The following STUM variants were observed in gnomAD, a reference collection of about 807,000 sequenced individuals.
The protein encoded by STUM is stum, mechanosensory transduction mediator homolog, also known as protein stum homolog.
STUM carries 8 observed loss-of-function variants against 15.3 expected under a neutral mutation model. The ratio of observed to expected loss-of-function variants is 0.52; its 90% confidence interval spans 0.31 to 0.94. The LOEUF (loss-of-function observed/expected upper bound fraction) is 0.94, where lower values mean the gene tolerates loss of function less well. Among genes scored for constraint, STUM ranks in the 40% least tolerant of loss-of-function variants. The probability of loss-of-function intolerance (pLI) is 0.05; values close to 1 mark genes in which losing one functional copy is unlikely to be tolerated. For synonymous variants in STUM, 78 were observed against 88.7 expected (o/e 0.88, Z 0.68); for missense variants, 142 against 204.9 (o/e 0.69, Z 1.87).
At chr1:226,571,341 T>A (rs1057035594) in intron 1 of STUM, among the ~76,000 whole-genome samples, 1 of 152,232 alleles carries the variant, frequency 6.6e-6, no homozygotes. Context: ...GTGGAGGGTC[T>A]AGGAAGTACC....
chr1:226,580,834 G>T (rs1414254053), intron 1 of STUM, among the ~76,000 whole-genome samples: 2 of 152,236 alleles, frequency 1.3e-5, no homozygotes, highest in African/African-American at 4.8e-5. Context: ...TGGATCTGTA[G>T]TTAGAGTAGA....
At chr1:226,578,923 A>G (rs1667868484) in intron 1 of STUM, among the ~76,000 whole-genome samples, 1 of 152,232 alleles carries the variant, frequency 6.6e-6, no homozygotes, top group South Asian at 2.1e-4. Context: ...ACTTAATCAA[A>G]GATAAAGTTG....
intron 1 of STUM, among the ~76,000 whole-genome samples, chr1:226,562,130 C>T (rs555593756): frequency 6.6e-6 from 1 of 152,148 alleles, no homozygotes; most frequent in East Asian, 1.9e-4. Flanking sequence ...TGTGAATATA[C>T]TAAAAGCCAC....
At chr1:226,596,707 GA>G in intron 1 of STUM, 94 bp from the exon 2 acceptor site, 1 of 1,137,798 alleles carries the variant, frequency 8.8e-7, no homozygotes, top group Non-Finnish European at 1.3e-6. Context: ...TGAGTTCTTG[GA>G]GGGTGGACAG....
intron 1 of STUM, among the ~76,000 whole-genome samples, chr1:226,568,470 A>G (rs1052495366): frequency 1.3e-5 from 2 of 152,254 alleles, no homozygotes; most frequent in Admixed American, 1.3e-4. Context: ...CGCCCCATCC[A>G]GAGTGGGAAT....
chr1:226,589,309 C>G (rs1172741233), intron 1 of STUM, among the ~76,000 whole-genome samples: 3 of 152,226 alleles, frequency 2.0e-5, no homozygotes, highest in African/African-American at 7.2e-5. Context: ...CCAGCCACTC[C>G]TGGCTGCTTC....
chr1:226,583,393 A>G (rs541305570), intron 1 of STUM, among the ~76,000 whole-genome samples: 6 of 152,220 alleles, frequency 3.9e-5, no homozygotes, highest in Non-Finnish European at 7.3e-5. Context: ...GTGAGGAAAT[A>G]TGGTAAAATG....
intron 1 of STUM, among the ~76,000 whole-genome samples, chr1:226,563,319 C>T (rs568693016): frequency 6.6e-6 from 1 of 152,216 alleles, no homozygotes; most frequent in Non-Finnish European, 1.5e-5. Flanking sequence ...CTGGGGACCA[C>T]AGGAAAAAAG....
At chr1:226,583,440 A>T (rs747158158) in intron 1 of STUM, among the ~76,000 whole-genome samples, 2 of 152,222 alleles carry the variant, frequency 1.3e-5, no homozygotes, top group Non-Finnish European at 2.9e-5. Context: ...TTACAGATTG[A>T]TTATAATGAT....
chr1:226,578,255 A>T (rs921244424), intron 1 of STUM, among the ~76,000 whole-genome samples: 1 of 152,052 alleles, frequency 6.6e-6, no homozygotes, highest in Non-Finnish European at 1.5e-5. Context: ...TGTTTTTAAA[A>T]AACTGAGATA....
intron 1 of STUM, among the ~76,000 whole-genome samples, chr1:226,590,482 C>A (rs1668068406): frequency 6.6e-6 from 1 of 152,214 alleles, no homozygotes; most frequent in South Asian, 2.1e-4. Flanking sequence ...TTGGACCTCC[C>A]CTGTCCCCTT....
chr1:226,596,825 G>C lies in STUM; in HGVS notation c.226G>C (p.Val76Leu), dbSNP rs767398022. The C allele has an allele frequency of 6.8e-6, 11 of 1,613,902 alleles. No homozygotes were observed. The highest frequency in any genetic ancestry group is 8.5e-6 in the Non-Finnish European group (10 of 1,179,890). The change falls in exon 2 of 4, where the codon GTG (valine) becomes CTG (leucine). Residue 76 changes from valine to leucine, a missense_variant. This residue lies in a region of STUM where 113 missense variants were observed against 134.4 expected (regional missense o/e 0.84). Transcript: ENST00000366788. ...AGGGACATTCGTCTCGGCCTTCACT[G>C]TGCTGTGCGGGGCCCGCACCGACCT... ...GLGTFVSAFTVLCGARTDLPD... is the reference protein window; with the variant it reads ...GLGTFVSAFTLLCGARTDLPD...
In STUM at chr1:226,602,088, C is replaced by T. The variant is rs772821879; in HGVS notation, c.*48C>T. 4 of 1,518,470 alleles carry T rather than the reference C, an allele frequency of 2.6e-6. No homozygotes were observed. The highest frequency in any genetic ancestry group is 4.5e-5 in the East Asian group (2 of 44,388). 94.1% of individuals were successfully genotyped at this position (1,518,470 alleles called of 1,614,324 possible). A position where few individuals can be genotyped will look rare whatever the true frequency, so the allele number is the denominator to read the frequency against. The stretch of plus-strand genomic sequence containing the variant: ...ATCCAGGGGGGCCCTGTGAGGGCTG[C>T]ACCAGGCAGCTTTGGGCACAAGGAC... On this transcript the variant is annotated 3_prime_UTR_variant, in exon 4 of 4. Transcript: ENST00000366788.
intron 1 of STUM, among the ~76,000 whole-genome samples, chr1:226,557,946 T>C (rs1667474126): frequency 1.3e-5 from 2 of 152,144 alleles, no homozygotes; most frequent in South Asian, 2.1e-4. Flanking sequence ...CCTTTCATGA[T>C]AAAAAATCTC....
At chr1:226,593,691 C>A (rs952020789) in intron 1 of STUM, among the ~76,000 whole-genome samples, 4 of 152,312 alleles carry the variant, frequency 2.6e-5, no homozygotes, top group Admixed American at 6.5e-5. Context: ...AGTAGAAGAA[C>A]AGCTTTGCCT....
At chr1:226,578,992 C>A (rs1046048628) in intron 1 of STUM, among the ~76,000 whole-genome samples, 1 of 152,172 alleles carries the variant, frequency 6.6e-6, no homozygotes, top group African/African-American at 2.4e-5. Context: ...GTGAGTGCTG[C>A]GGCTGGAATT....
chr1:226,550,940 A>G (rs697836), intron 1 of STUM, among the ~76,000 whole-genome samples: 4,924 of 152,258 alleles, frequency 0.032, 245 homozygotes, highest in African/African-American at 0.11. Context: ...AAACAAACAA[A>G]TAAACAAACA....
chr1:226,596,709 G>T (rs1338352192), intron 1 of STUM, 93 bp from the exon 2 acceptor site: 2 of 1,154,224 alleles, frequency 1.7e-6, no homozygotes, highest in Non-Finnish European at 2.5e-6. Context: ...AGTTCTTGGA[G>T]GGTGGACAGC....
chr1:226,559,322 A>G (rs1667499535), intron 1 of STUM, among the ~76,000 whole-genome samples: 1 of 152,200 alleles, frequency 6.6e-6, no homozygotes, highest in Non-Finnish European at 1.5e-5. Flanking sequence ...AAAGAACTTT[A>G]GGGCGGCTGC....
Sources: allele counts gnomAD v4.1 joint callset (sites outside exome capture counted in the v4.1 genomes callset), GRCh38; gene constraint gnomAD v4.1.1; regional missense constraint gnomAD v4.1.1; transcripts MANE v1.5; gene names NCBI Gene and HGNC (gene_info 2026-07-23, HGNC 2026-07-21).